Variants in HS2ST1 observed in about 807,000 individuals in gnomAD.
The protein encoded by HS2ST1 is 2-O-sulfotransferase.
A neutral mutation model predicts 42.9 loss-of-function variants in HS2ST1; 18 were observed. The ratio of observed to expected loss-of-function variants is 0.42; its 90% confidence interval spans 0.29 to 0.62. The LOEUF (loss-of-function observed/expected upper bound fraction) is 0.62. Among genes scored for constraint, HS2ST1 ranks in the 20% least tolerant of loss-of-function variants. The probability of loss-of-function intolerance (pLI) is 0.21; values close to 1 mark genes in which losing one functional copy is unlikely to be tolerated. For missense variants in HS2ST1, 334 were observed against 433.8 expected, an observed-to-expected ratio of 0.77 and a Z score of 2.04; for synonymous variants, 146 against 152.9, an observed-to-expected ratio of 0.95 and a Z score of 0.33.
intron 1 of HS2ST1, among the ~76,000 whole-genome samples, chr1:86,997,746 C>T (rs1349832667): frequency 2.0e-5 from 3 of 152,092 alleles, no homozygotes; most frequent in Non-Finnish European, 2.9e-5. Flanking sequence ...ATAAAAGTGA[C>T]TGTGTGGGTG....
At chr1:87,071,111 C>G (rs947330969) in intron 1 of HS2ST1, among the ~76,000 whole-genome samples, 10 of 152,160 alleles carry the variant, frequency 6.6e-5, no homozygotes, top group African/African-American at 2.4e-4. Context: ...GTATATCTCT[C>G]ATATATGTAC....
At chr1:86,987,857 A>G (rs997023315) in intron 1 of HS2ST1, among the ~76,000 whole-genome samples, 1 of 152,238 alleles carries the variant, frequency 6.6e-6, no homozygotes, top group African/African-American at 2.4e-5. Context: ...CTATTCAACT[A>G]GAAGGTAAGA....
At chr1:87,032,295 T>A (rs898098822) in intron 1 of HS2ST1, among the ~76,000 whole-genome samples, 5 of 152,148 alleles carry the variant, frequency 3.3e-5, no homozygotes, top group African/African-American at 1.2e-4. Flanking sequence ...GTAACCTTTA[T>A]TTTTGAAGAC....
intron 1 of HS2ST1, among the ~76,000 whole-genome samples, chr1:86,920,978 G>A (rs945577375): frequency 6.6e-6 from 1 of 151,938 alleles, no homozygotes; most frequent in Non-Finnish European, 1.5e-5. Context: ...AAAAAAAAAA[G>A]TATGTGAGGT....
At chr1:86,922,535 C>T (rs1411834900) in intron 1 of HS2ST1, among the ~76,000 whole-genome samples, 1 of 150,846 alleles carries the variant, frequency 6.6e-6, no homozygotes, top group Admixed American at 6.6e-5. Context: ...GTGATGAATT[C>T]TTTTCATTTT....
chr1:86,990,242 G>T (rs1330765627), intron 1 of HS2ST1, among the ~76,000 whole-genome samples: 4 of 152,070 alleles, frequency 2.6e-5, no homozygotes, highest in Non-Finnish European at 4.4e-5. Flanking sequence ...ATGCAATGTT[G>T]TTTATTTGGA....
intron 1 of HS2ST1, among the ~76,000 whole-genome samples, chr1:87,042,612 C>G (rs1650550106): frequency 6.6e-6 from 1 of 152,068 alleles, no homozygotes; most frequent in African/African-American, 2.4e-5. Flanking sequence ...AGAGGAAGTA[C>G]TCTTTTGCAA....
chr1:87,005,369 C>A (rs1276680692), intron 1 of HS2ST1, among the ~76,000 whole-genome samples: 1 of 151,938 alleles, frequency 6.6e-6, no homozygotes, highest in Non-Finnish European at 1.5e-5. Flanking sequence ...AATATTTAAT[C>A]TATTTTTGTT....
At chr1:87,015,866 GAGT>G (rs1649740847) in intron 1 of HS2ST1, among the ~76,000 whole-genome samples, 2 of 151,564 alleles carry the variant, frequency 1.3e-5, no homozygotes, top group African/African-American at 4.9e-5. Flanking sequence ...CACCAGGCTA[GAGT>G]ACAGTGGTGC....
intron 1 of HS2ST1, among the ~76,000 whole-genome samples, chr1:87,006,695 CTA>C (rs1397951097): frequency 1.3e-5 from 2 of 152,048 alleles, no homozygotes; most frequent in African/African-American, 4.8e-5. Context: ...GTAAATCATG[CTA>C]TGAGTATTCT....
intron 1 of HS2ST1, chr1:86,993,071 C>G: frequency 6.3e-7 from 1 of 1,592,018 alleles, no homozygotes; most frequent in Non-Finnish European, 8.6e-7. Context: ...GTCACCAAGT[C>G]TTTCCTGTAC....
At chr1:86,958,258 A>G (rs1570445892) in intron 1 of HS2ST1, among the ~76,000 whole-genome samples, 1 of 152,256 alleles carries the variant, frequency 6.6e-6, no homozygotes, top group Admixed American at 6.5e-5. Flanking sequence ...GATAACATTA[A>G]CAGCCACTTA....
At chr1:87,040,001 GTTC>G (rs1557524408) in intron 1 of HS2ST1, among the ~76,000 whole-genome samples, 1 of 152,002 alleles carries the variant, frequency 6.6e-6, no homozygotes, top group African/African-American at 2.4e-5. Context: ...ATTGAATGTT[GTTC>G]TTCTTACTAT....
At chr1:86,951,837 A>G (rs1647529891) in intron 1 of HS2ST1, among the ~76,000 whole-genome samples, 1 of 152,194 alleles carries the variant, frequency 6.6e-6, no homozygotes, top group Non-Finnish European at 1.5e-5. Flanking sequence ...CTTTGTTGTC[A>G]TTTCAGCATG....
chr1:86,917,142 G>T (rs1225769255), intron 1 of HS2ST1, among the ~76,000 whole-genome samples: 1 of 152,194 alleles, frequency 6.6e-6, no homozygotes, highest in Non-Finnish European at 1.5e-5. Flanking sequence ...ATGCCTAGCA[G>T]AGGAAACCAT....
intron 1 of HS2ST1, among the ~76,000 whole-genome samples, chr1:87,035,981 C>A (rs1650364355): frequency 6.6e-6 from 1 of 152,026 alleles, no homozygotes; most frequent in African/African-American, 2.4e-5. Context: ...TAGTCTTCCA[C>A]CCCCTGACAG....
intron 1 of HS2ST1, among the ~76,000 whole-genome samples, chr1:86,933,180 C>T (rs1313139310): frequency 6.6e-6 from 1 of 151,142 alleles, no homozygotes; most frequent in Non-Finnish European, 1.5e-5. Flanking sequence ...GTTTATCCCT[C>T]TTGAGTTCTT....
At chr1:87,025,242 C>T (rs1217444488) in intron 1 of HS2ST1, among the ~76,000 whole-genome samples, 1 of 152,200 alleles carries the variant, frequency 6.6e-6, no homozygotes, top group Non-Finnish European at 1.5e-5. Flanking sequence ...ATGGTCCTGC[C>T]TGGCGGCTGT....
chr1:87,074,127 A>G (rs1354422264), intron 2 of HS2ST1, among the ~76,000 whole-genome samples: 1 of 152,224 alleles, frequency 6.6e-6, no homozygotes, highest in East Asian at 1.9e-4. Context: ...TGTAAAGGCT[A>G]GTAGTATATG....
Sources: allele counts gnomAD v4.1 joint callset (sites outside exome capture counted in the v4.1 genomes callset), GRCh38; gene constraint gnomAD v4.1.1; transcripts MANE v1.5; gene names NCBI Gene and HGNC (gene_info 2026-07-23, HGNC 2026-07-21).